Variants in CDIN1 observed in about 807,000 individuals in gnomAD.
The protein encoded by CDIN1 is CDAN1 interacting nuclease 1.
In CDIN1, 33 loss-of-function variants were observed where a neutral mutation model predicts 45.3. The ratio of observed to expected loss-of-function variants is 0.73; its 90% CI spans 0.55 to 0.97. CDIN1 has a LOEUF of 0.97. Ranked by LOEUF, CDIN1 falls within the 50% of genes least tolerant of loss-of-function variation. The pLI is 0.00. For synonymous variants in CDIN1, 118 were observed against 124.4 expected (o/e 0.95, Z 0.34); for missense variants, 303 against 339.4 (o/e 0.89, Z 0.84).
chr15:36,583,696 G>GTC (rs568732781), intron 1 of CDIN1, among the ~76,000 whole-genome samples: 7 of 152,168 alleles, frequency 4.6e-5, no homozygotes, highest in Admixed American at 4.6e-4. Context: ...CATATTTCTG[G>GTC]TCATAATAAC....
chr15:36,614,877 C>T (rs893394113), intron 1 of CDIN1, among the ~76,000 whole-genome samples: 2 of 152,098 alleles, frequency 1.3e-5, no homozygotes, highest in Admixed American at 6.5e-5. Flanking sequence ...ATGGTAAGAC[C>T]TCTGAGACAA....
At chr15:36,676,929 CAACA>C (rs1447626072) in intron 5 of CDIN1, among the ~76,000 whole-genome samples, 1 of 152,074 alleles carries the variant, frequency 6.6e-6, no homozygotes, top group Non-Finnish European at 1.5e-5. Flanking sequence ...TAACTGTTAA[CAACA>C]ACAACAAAAA....
At chr15:36,744,069 T>A (rs988502065) in intron 10 of CDIN1, among the ~76,000 whole-genome samples, 1 of 151,942 alleles carries the variant, frequency 6.6e-6, no homozygotes, top group Non-Finnish European at 1.5e-5. Flanking sequence ...CATCACCAGA[T>A]GACTGACTTT....
chr15:36,720,257 T>A (rs200749713), intron 10 of CDIN1, among the ~76,000 whole-genome samples: 1 of 9,224 alleles, frequency 1.1e-4, no homozygotes, highest in Non-Finnish European at 1.7e-4. Context: ...TTATTTATTA[T>A]TTATTTATTT....
At chr15:36,709,572 C>T (rs1223402805) in intron 9 of CDIN1, among the ~76,000 whole-genome samples, 1 of 152,120 alleles carries the variant, frequency 6.6e-6, no homozygotes, top group East Asian at 1.9e-4. Flanking sequence ...AAGCCAGACT[C>T]ATTTTGGTCT....
intron 5 of CDIN1, among the ~76,000 whole-genome samples, chr15:36,662,854 G>GTT (rs34007525): frequency 0.039 from 4,731 of 122,032 alleles, 151 homozygotes; most frequent in Non-Finnish European, 0.05. Flanking sequence ...TCAGATTTTA[G>GTT]TTTTTTTTTT....
intron 10 of CDIN1, among the ~76,000 whole-genome samples, chr15:36,797,796 A>G (rs995582958): frequency 1.9e-4 from 29 of 152,070 alleles, no homozygotes; most frequent in Admixed American, 3.3e-4. Context: ...CCTTGCCAAC[A>G]TGGTGAAACC....
intron 10 of CDIN1, among the ~76,000 whole-genome samples, chr15:36,802,299 C>T (rs1422016547): frequency 2.0e-5 from 3 of 152,032 alleles, no homozygotes; most frequent in Non-Finnish European, 4.4e-5. Flanking sequence ...TATTAGTTAC[C>T]TCTTTGTTGT....
intron 3 of CDIN1, among the ~76,000 whole-genome samples, chr15:36,652,583 T>G (rs1402930498): frequency 2.0e-5 from 3 of 152,186 alleles, no homozygotes; most frequent in Admixed American, 2.0e-4. Context: ...AAAGCACATT[T>G]GCCTTGTTTT....
chr15:36,592,985 A>G (rs1400290169), intron 1 of CDIN1, among the ~76,000 whole-genome samples: 1 of 152,220 alleles, frequency 6.6e-6, no homozygotes, highest in Admixed American at 6.5e-5. Flanking sequence ...GTATAAAAAC[A>G]GAGGGAAGAT....
chr15:36,618,401 G>A, intron 1 of CDIN1: 1 of 717,916 alleles, frequency 1.4e-6, no homozygotes, highest in Non-Finnish European at 2.5e-6. Context: ...AACAAAATGG[G>A]GACTATGGTA....
At chr15:36,758,293 T>C (rs1216728640) in intron 10 of CDIN1, among the ~76,000 whole-genome samples, 3 of 152,192 alleles carry the variant, frequency 2.0e-5, no homozygotes, top group East Asian at 1.9e-4. Flanking sequence ...CTGGCCTTGA[T>C]AGTAGCATGT....
chr15:36,751,229 T>TTATATATATATATATA (rs10557235), intron 10 of CDIN1, among the ~76,000 whole-genome samples: 1,779 of 97,204 alleles, frequency 0.018, 47 homozygotes, highest in African/African-American at 0.028. Context: ...TATGCTTATT[T>TTATATATATATATATA]TATATATATA....
At chr15:36,582,756 A>T (rs566021332) in intron 1 of CDIN1, among the ~76,000 whole-genome samples, 9 of 152,264 alleles carry the variant, frequency 5.9e-5, no homozygotes, top group Middle Eastern at 3.4e-3. Context: ...TGACAAATTT[A>T]AAAAAATTGT....
At chr15:36,738,179 T>TA (rs1410627364) in intron 10 of CDIN1, among the ~76,000 whole-genome samples, 2 of 152,158 alleles carry the variant, frequency 1.3e-5, no homozygotes, top group Non-Finnish European at 2.9e-5. Flanking sequence ...TGCGTGCTAA[T>TA]ACTTCCGAAA....
chr15:36,657,698 G>A, intron 4 of CDIN1, 135 bp from the exon 5 acceptor site: 1 of 649,668 alleles, frequency 1.5e-6, no homozygotes, highest in African/African-American at 1.8e-5. Flanking sequence ...GCCACCAAGG[G>A]TGGGAAAGAT....
chr15:36,730,073 T>C (rs1359998522), intron 10 of CDIN1, among the ~76,000 whole-genome samples: 1 of 152,194 alleles, frequency 6.6e-6, no homozygotes, highest in Admixed American at 6.5e-5. Flanking sequence ...TTTATGTATG[T>C]GCTATTTATA....
At chr15:36,675,586 G>A (rs915686675) in intron 5 of CDIN1, among the ~76,000 whole-genome samples, 4 of 152,206 alleles carry the variant, frequency 2.6e-5, no homozygotes, top group Middle Eastern at 3.4e-3. Flanking sequence ...TGTGCTCAGC[G>A]GCCTTGCTGA....
At chr15:36,678,678 T>C (rs1006353728) in intron 5 of CDIN1, among the ~76,000 whole-genome samples, 1 of 152,202 alleles carries the variant, frequency 6.6e-6, no homozygotes, top group Non-Finnish European at 1.5e-5. Context: ...CAGTACACAA[T>C]CAGTCCATAC....
Sources: gnomAD v4.1 joint callset for allele counts (sites outside exome capture counted in the v4.1 genomes callset) on GRCh38, gnomAD v4.1.1 for gene constraint, MANE v1.5 for transcripts, NCBI Gene and HGNC (gene_info 2026-07-23, HGNC 2026-07-21) for gene names.